Variants in NRG1 observed in about 807,000 individuals in gnomAD.
NRG1 encodes the protein pro-neuregulin-1, membrane-bound isoform.
A neutral mutation model predicts 63.8 loss-of-function variants in NRG1; 18 were observed. The ratio of observed to expected loss-of-function variants is 0.28; its 90% CI spans 0.19 to 0.42. The LOEUF is 0.42. NRG1 is among the 10% of genes least tolerant of loss of function. The pLI is 1.00. For missense variants in NRG1, 762 were observed against 814.7 expected (o/e 0.94, Z 0.79); for synonymous variants, 302 against 301.3 (o/e 1.00, Z -0.02).
chr8:32,117,444 T>G (rs1025673104), intron 1 of NRG1, among the ~76,000 whole-genome samples: 3 of 152,094 alleles, frequency 2.0e-5, no homozygotes, highest in Non-Finnish European at 4.4e-5. Context: ...ATGGTTTGGA[T>G]AGAAAAATAT....
intron 1 of NRG1, among the ~76,000 whole-genome samples, chr8:31,788,089 T>C (rs1012346352): frequency 1.3e-5 from 2 of 152,146 alleles, no homozygotes; most frequent in African/African-American, 4.8e-5. Context: ...GCAAAGCTTG[T>C]GCTCTTAACT....
At chr8:32,247,102 A>T (rs1278631500) in intron 1 of NRG1, among the ~76,000 whole-genome samples, 3 of 84,658 alleles carry the variant, frequency 3.5e-5, no homozygotes. Context: ...GTCAATTTAC[A>T]GTTTTTTTTT....
At chr8:31,814,129 A>C (rs923692229) in intron 1 of NRG1, among the ~76,000 whole-genome samples, 2 of 152,208 alleles carry the variant, frequency 1.3e-5, no homozygotes, top group African/African-American at 4.8e-5. Context: ...GACATGGAAT[A>C]TACCTGGCAT....
At chr8:31,734,906 C>T (rs1402842400) in intron 1 of NRG1, among the ~76,000 whole-genome samples, 1 of 152,122 alleles carries the variant, frequency 6.6e-6, no homozygotes, top group Non-Finnish European at 1.5e-5. Flanking sequence ...TTCCAGCCAT[C>T]CCTATTATGA....
At chr8:32,134,703 A>G (rs1202745968) in intron 1 of NRG1, among the ~76,000 whole-genome samples, 2 of 152,116 alleles carry the variant, frequency 1.3e-5, no homozygotes, top group Non-Finnish European at 2.9e-5. Flanking sequence ...AGATATTAAT[A>G]AGTATTACTC....
At chr8:32,046,143 A>G (rs560931917) in intron 1 of NRG1, among the ~76,000 whole-genome samples, 4 of 152,230 alleles carry the variant, frequency 2.6e-5, no homozygotes, top group African/African-American at 7.2e-5. Context: ...AGTCTTGAAC[A>G]GATTGTCGAC....
intron 1 of NRG1, among the ~76,000 whole-genome samples, chr8:32,250,781 A>C (rs964686255): frequency 6.6e-6 from 1 of 152,112 alleles, no homozygotes; most frequent in Non-Finnish European, 1.5e-5. Flanking sequence ...TAAATATTTT[A>C]ATAGATCAGC....
chr8:31,887,156 G>A (rs1466438805), intron 1 of NRG1, among the ~76,000 whole-genome samples: 1 of 152,020 alleles, frequency 6.6e-6, no homozygotes. Context: ...CCTGTTTCCT[G>A]TTACAGAAAA....
At chr8:32,371,668 A>G (rs1447516119) in intron 1 of NRG1, among the ~76,000 whole-genome samples, 2 of 152,130 alleles carry the variant, frequency 1.3e-5, no homozygotes, top group African/African-American at 4.8e-5. Context: ...GCTAACATGG[A>G]ACTTGTCCTT....
At chr8:32,434,395 T>C (rs1383800658) in intron 1 of NRG1, among the ~76,000 whole-genome samples, 1 of 152,150 alleles carries the variant, frequency 6.6e-6, no homozygotes, top group Non-Finnish European at 1.5e-5. Context: ...TGTAGGATTA[T>C]CCAGACTTTA....
At chr8:31,696,780 G>C (rs1337123277) in intron 1 of NRG1, among the ~76,000 whole-genome samples, 1 of 152,188 alleles carries the variant, frequency 6.6e-6, no homozygotes, top group Non-Finnish European at 1.5e-5. Flanking sequence ...GTTAGTGACA[G>C]CTGGGACCAG....
intron 1 of NRG1, among the ~76,000 whole-genome samples, chr8:32,427,173 T>C (rs1441303307): frequency 1.3e-5 from 2 of 152,140 alleles, no homozygotes; most frequent in Non-Finnish European, 2.9e-5. Context: ...TAACTTTAAC[T>C]CTTTAAGCCC....
chr8:32,048,446 C>CATATATAT (rs869311093), intron 1 of NRG1, among the ~76,000 whole-genome samples: 42 of 6,712 alleles, frequency 6.3e-3, no homozygotes, highest in African/African-American at 6.8e-3. Flanking sequence ...TATATACATA[C>CATATATAT]ATATATATAT....
intron 1 of NRG1, among the ~76,000 whole-genome samples, chr8:32,347,343 C>G (rs771070737): frequency 6.6e-6 from 1 of 152,144 alleles, no homozygotes; most frequent in African/African-American, 2.4e-5. Context: ...CATGATTTCA[C>G]GCTCTATGGA....
At chr8:32,524,628 T>G (rs566378645) in intron 1 of NRG1, among the ~76,000 whole-genome samples, 1 of 152,218 alleles carries the variant, frequency 6.6e-6, no homozygotes, top group South Asian at 2.1e-4. Flanking sequence ...CAGACACCGG[T>G]TTTTCCTCCA....
intron 1 of NRG1, among the ~76,000 whole-genome samples, chr8:31,702,792 C>T (rs191866942): frequency 2.2e-4 from 34 of 152,166 alleles, no homozygotes; most frequent in Admixed American, 2.2e-3. Context: ...TGTCACACCC[C>T]ATGATTCTGC....
intron 1 of NRG1, among the ~76,000 whole-genome samples, chr8:32,589,530 T>A (rs751416633): frequency 6.6e-5 from 10 of 152,238 alleles, no homozygotes; most frequent in Non-Finnish European, 1.5e-4. Flanking sequence ...CTTGATAACA[T>A]TTTGCAGGTT....
intron 1 of NRG1, among the ~76,000 whole-genome samples, chr8:32,479,831 G>A (rs577358990): frequency 6.6e-6 from 1 of 151,822 alleles, no homozygotes; most frequent in Non-Finnish European, 1.5e-5. Context: ...TTCTATTTTG[G>A]CAGGGATAGG....
chr8:32,721,847 C>G, intron 5 of NRG1: 2 of 1,387,262 alleles, frequency 1.4e-6, no homozygotes, highest in Non-Finnish European at 1.9e-6. Flanking sequence ...TTCTGCTCAG[C>G]TTCTGCTCCA....
Sources: gnomAD v4.1 joint callset for allele counts (sites outside exome capture counted in the v4.1 genomes callset) on GRCh38, gnomAD v4.1.1 for gene constraint, MANE v1.5 for transcripts, NCBI Gene and HGNC (gene_info 2026-07-23, HGNC 2026-07-21) for gene names.